The following ZNF493 variants were observed in gnomAD, a reference collection of about 807,000 sequenced individuals.
ZNF493 encodes the protein zinc finger protein 493.
A neutral mutation model predicts 12.2 loss-of-function variants in ZNF493; 11 were observed. That is an observed-to-expected ratio of 0.90 (90% confidence interval 0.57 to 1.50). The LOEUF (loss-of-function observed/expected upper bound fraction) is 1.50, where lower values mean the gene tolerates loss of function less well. Among genes scored for constraint, ZNF493 ranks in the 40% most tolerant of loss-of-function variants. The pLI is 0.00. For synonymous variants in ZNF493, 286 were observed against 302.6 expected (o/e 0.95, Z 0.57); for missense variants, 950 against 906.6 (o/e 1.05, Z -0.61).
intron 3 of ZNF493, chr19:21,408,881 C>CT (rs201812196): frequency 0.024 from 14,349 of 593,256 alleles, 3 homozygotes; most frequent in South Asian, 0.029. Context: ...TTCTTTCTTT[C>CT]TTTTTTTTTT....
intron 3 of ZNF493, among the ~76,000 whole-genome samples, chr19:21,411,683 G>A (rs1052103045): frequency 1.3e-5 from 2 of 151,066 alleles, no homozygotes; most frequent in African/African-American, 4.9e-5. Context: ...TCCCTCCACT[G>A]CACTCCAGCC....
Position 21,427,496 on chromosome 19 carries a change from TTC to T in ZNF493, c.*2514_*2515del, listed in dbSNP as rs34933927. 0.15 allele frequency: 22,408 copies of T among 152,076 alleles called. 2,036 individuals are homozygous for T. The highest frequency in any genetic ancestry group is 0.21 in the Non-Finnish European group (14,321 of 67,964). 9.4% of individuals were successfully genotyped at this position (152,076 alleles called of 1,614,324 possible). On this transcript the variant is annotated 3_prime_UTR_variant, in exon 4 of 4. Transcript: ENST00000392288. ...GCAGTACATTTTAAAAAATTTTAAA[TTC>T]TGTGTGAAGGTAACTGTTTCAACAT... is the stretch of plus-strand genomic sequence containing the variant.
intron 3 of ZNF493, chr19:21,413,100 A>G: frequency 3.4e-6 from 1 of 290,452 alleles, no homozygotes; most frequent in Non-Finnish European, 6.6e-6. Flanking sequence ...CCAGCTAATA[A>G]TGATTCCATG....
At chr19:21,397,820 A>G (rs938009263) in intron 1 of ZNF493, 1 of 167,736 alleles carries the variant, frequency 6.0e-6, no homozygotes, top group Admixed American at 5.9e-5. Flanking sequence ...AAATTTACTA[A>G]TTGGTTAGGT....
chr19:21,412,760 G>C (rs779198967), intron 3 of ZNF493: 59 of 274,958 alleles, frequency 2.1e-4, no homozygotes, highest in Non-Finnish European at 3.6e-4. Context: ...CATCAGGTGT[G>C]CTTGGGATGC....
chr19:21,411,247 CAT>C (rs1315186801), intron 3 of ZNF493, among the ~76,000 whole-genome samples: 1 of 152,136 alleles, frequency 6.6e-6, no homozygotes. Flanking sequence ...ATCATGTAAT[CAT>C]ATACAGAAGG....
intron 3 of ZNF493, chr19:21,412,630 G>A (rs1483099813): frequency 5.3e-6 from 1 of 189,108 alleles, no homozygotes; most frequent in African/African-American, 2.4e-5. Flanking sequence ...TATCAGCACA[G>A]ATTAAAAGCA....
chr19:21,412,145 CCAAA>C (rs1460819108), intron 3 of ZNF493: 1 of 151,970 alleles, frequency 6.6e-6, no homozygotes, highest in African/African-American at 2.4e-5. Context: ...GCTGAGAGCC[CCAAA>C]CAGAGATTTA....
chr19:21,406,885 A>G (rs1379585828), intron 3 of ZNF493, among the ~76,000 whole-genome samples: 2 of 152,130 alleles, frequency 1.3e-5, no homozygotes, highest in Non-Finnish European at 2.9e-5. Context: ...TTTGGAGAAT[A>G]TGGTACTTTA....
rs1427730758 is a variant in ZNF493 at position 21,424,957 on chromosome 19, T to C, written c.2298T>C (p.Ile766=). The change falls in exon 4 of 4, where the codon ATT becomes ATC. Residue 766 remains isoleucine, a synonymous_variant. Transcript: ENST00000392288. ...LSRHKIIHIG[I]HTEETVQK ...GACATAAGATAATTCATATTGGAAT[T>C]CATACTGAAGAGACTGTACAAAAGT... The C allele has an allele frequency of 3.1e-6, 5 of 1,598,672 alleles. No homozygotes were observed. Among genetic ancestry groups the C allele is most frequent in the Non-Finnish European group, 3.4e-6 (4 of 1,172,898 alleles).
intron 3 of ZNF493, among the ~76,000 whole-genome samples, chr19:21,409,371 AT>A: frequency 6.6e-6 from 1 of 150,540 alleles, no homozygotes; most frequent in East Asian, 1.9e-4. Flanking sequence ...ATAATTCTTT[AT>A]TTTTTTCAGT....
At position 21,424,721 on chromosome 19, in the gene ZNF493, GA is replaced by G. The variant is rs773147293; in HGVS notation, c.2067del (p.Lys689AsnfsTer17). The G allele has an allele frequency of 4.8e-5, 78 of 1,613,196 alleles. No individual in the cohort carries two copies. The highest frequency in any genetic ancestry group is 3.3e-5 in the Admixed American group (2 of 59,916). On this transcript the variant is annotated frameshift_variant, in exon 4 of 4. Coordinates refer to ENST00000392288, the MANE Select transcript of ZNF493 (RefSeq NM_001076678.3). LOFTEE classifies it low-confidence loss of function (END_TRUNC). Reference protein sequence around the residue: ...IHTEEKPYKCEKCGKTFYRFS... With the variant: ...IHTEEKPYKCXKCGKTFYRFS... ...TACTGAAGAGAAACCCTACAAATGT[GA>G]AAAATGTGGCAAAACTTTCTACCGA...
rs1309433061 is a variant in ZNF493 at position 21,397,194 on chromosome 19, G to A, written c.-44G>A. ...CTTCACTGCTCTGTGTCCTCAGCGT[G>A]TGTGGCTTCGTGACCTGAAGATACT... On this transcript the variant is annotated 5_prime_UTR_variant, in exon 1 of 4. In the 5' UTR this introduces an upstream ATG that the reference lacks. Coordinates refer to ENST00000392288, the MANE Select transcript of ZNF493 (RefSeq NM_001076678.3). 6.2e-7 allele frequency: 1 copy of A among 1,612,974 alleles called. No individual in the cohort carries two copies.
intron 1 of ZNF493, chr19:21,397,761 G>A (rs886998405): frequency 1.6e-4 from 37 of 236,016 alleles, no homozygotes; most frequent in African/African-American, 8.4e-4. Context: ...TGTGGTCTGT[G>A]GGAGAGGCTT....
Position 21,405,016 on chromosome 19 carries a change from G to A in ZNF493, c.31-113G>A, listed in dbSNP as rs1055597758. On this transcript the variant is annotated intron_variant, in intron 1 of 3. Transcript: ENST00000392288. Reference sequence around the variant, plus strand: ...TTGTTGGATAATTTCAGTCATTCCTGTAAGTCAGAACGAATTTTCTTTACT... The same window carrying A: ...TTGTTGGATAATTTCAGTCATTCCTATAAGTCAGAACGAATTTTCTTTACT... 5.3e-6 allele frequency: 8 copies of A among 1,498,232 alleles called. No homozygotes were observed. In the South Asian group the frequency reaches 5.5e-5, roughly 10 times the overall value. The allele number at this position is 1,498,232 out of a possible 1,614,324, so 92.8% of individuals were successfully genotyped here. A position where few individuals can be genotyped will look rare whatever the true frequency, so the allele number is the denominator to read the frequency against.
intron 1 of ZNF493, among the ~76,000 whole-genome samples, chr19:21,400,416 A>G (rs566959444): frequency 2.6e-5 from 4 of 152,286 alleles, no homozygotes; most frequent in South Asian, 2.1e-4. Context: ...CTCAAAAAAA[A>G]AAATGTAAGC....
In ZNF493 at chr19:21,401,932, CTATT is replaced by C. The variant is rs1312175679; in HGVS notation, c.31-3189_31-3186del. 2.7e-5 allele frequency among the ~76,000 whole-genome samples: 4 copies of C among 149,908 alleles called. No homozygotes were observed. The East Asian group carries it at 6.0e-4, about 22-fold the overall frequency. On this transcript the variant is annotated intron_variant, in intron 1 of 3. Transcript: ENST00000392288. ...GGAGTGAGCCACCATGCCCGGTCAG[CTATT>C]TATTTATCTACTTATTTATTTATTT...
In ZNF493 at chr19:21,411,750, A is replaced by G. The variant is rs955626354; in HGVS notation, c.253+5894A>G. 2.1e-5 allele frequency among the ~76,000 whole-genome samples: 3 copies of G among 143,212 alleles called. No individual in the cohort carries two copies. The Admixed American group carries it at 2.2e-4, about 11-fold the overall frequency. 94.0% of individuals were successfully genotyped at this position (143,212 alleles called of 152,430 possible). On this transcript the variant is annotated intron_variant, in intron 3 of 3. Transcript: ENST00000392288. ...AAAAAAAAGTTAATGTTTTTGCAATAAAACTGTGCTATTGTAATTTTTTTT... is the reference window on the plus strand; with the variant it reads ...AAAAAAAAGTTAATGTTTTTGCAATGAAACTGTGCTATTGTAATTTTTTTT...
At chr19:21,397,438 C>A in intron 1 of ZNF493, 171 bp downstream of exon 1, 2 of 817,872 alleles carry the variant, frequency 2.4e-6, no homozygotes, top group Non-Finnish European at 4.1e-6. Flanking sequence ...TTGGCGGCTG[C>A]GCCAACAGCC....
Sources: allele counts gnomAD v4.1 joint callset (sites outside exome capture counted in the v4.1 genomes callset), GRCh38; gene constraint gnomAD v4.1.1; transcripts MANE v1.5; gene names NCBI Gene and HGNC (gene_info 2026-07-23, HGNC 2026-07-21).